BCAS3: variants seen among roughly 807,000 people sequenced by gnomAD.
BCAS3 encodes the protein BCAS4/BCAS3 fusion.
BCAS3 carries 53 observed loss-of-function variants against 116.1 expected under a neutral mutation model. That is an observed-to-expected ratio of 0.46 (90% CI 0.37 to 0.57). The LOEUF (loss-of-function observed/expected upper bound fraction) is 0.57. BCAS3 is among the 20% of genes least tolerant of loss of function. The pLI, the probability that BCAS3 is intolerant of heterozygous loss-of-function variation, is 0.00. For synonymous variants in BCAS3, 391 were observed against 408.2 expected, an observed-to-expected ratio of 0.96 and a Z score of 0.51; for missense variants, 917 against 1,165.4, an observed-to-expected ratio of 0.79 and a Z score of 3.10.
At position 61,379,513 on chromosome 17, in the gene BCAS3, G is replaced by A. The variant is rs921131665; in HGVS notation, c.2593+11019G>A. On this transcript the variant is annotated intron_variant, in intron 23 of 23. Transcript: ENST00000407086. This position sits in a 1 kb window ranked among gnomAD's most constrained non-coding sequence, Gnocchi z 5.5. Reference sequence around the variant, plus strand: ...AGCCCATCCGATTGAACTTAACGGAGAAGTGAAGTTCCCTAGTAGAAGAAG... The same window carrying A: ...AGCCCATCCGATTGAACTTAACGGAAAAGTGAAGTTCCCTAGTAGAAGAAG... The A allele has an allele frequency of 6.6e-6, 1 of 152,218 alleles. No individual in the cohort carries two copies. The highest frequency in any genetic ancestry group is 1.9e-4 in the East Asian group (1 of 5,184). 9.4% of individuals were successfully genotyped at this position (152,218 alleles called of 1,614,324 possible). A position where few individuals can be genotyped will look rare whatever the true frequency, so the allele number is the denominator to read the frequency against.
At chr17:60,946,064 G>A (rs2145242302) in intron 13 of BCAS3, among the ~76,000 whole-genome samples, 1 of 152,260 alleles carries the variant, frequency 6.6e-6, no homozygotes, top group Middle Eastern at 3.4e-3. Context: ...AGCTTGCAGT[G>A]GGCGTAGATC....
chr17:60,702,450 A>G (rs1215021634), intron 4 of BCAS3, among the ~76,000 whole-genome samples: 1 of 152,226 alleles, frequency 6.6e-6, no homozygotes, highest in Non-Finnish European at 1.5e-5. Context: ...AGATTCTCCC[A>G]AGAATCAGAG....
intron 10 of BCAS3, chr17:60,891,696 G>A (rs1209059910): frequency 8.8e-6 from 4 of 455,760 alleles, no homozygotes; most frequent in Admixed American, 4.7e-5. Flanking sequence ...GTGCATGTTT[G>A]TTACACAGGT....
chr17:60,710,393 A>G (rs143285806), intron 5 of BCAS3, among the ~76,000 whole-genome samples: 4 of 152,066 alleles, frequency 2.6e-5, no homozygotes, highest in African/African-American at 9.6e-5. Context: ...TCTAAGAATT[A>G]CTAAGGAACA....
Position 61,017,465 on chromosome 17 carries a change from C to A in BCAS3, c.1637+1564C>A, listed in dbSNP as rs923344842. Among the ~76,000 whole-genome samples the A allele has an allele frequency of 6.6e-6, 1 of 152,090 alleles. No homozygotes were observed. Among genetic ancestry groups the A allele is most frequent in the Non-Finnish European group, 1.5e-5 (1 of 68,004 alleles). On this transcript the variant is annotated intron_variant, in intron 16 of 23. Coordinates refer to ENST00000407086, the MANE Select transcript of BCAS3 (RefSeq NM_017679.5). This position sits in a 1 kb window ranked among gnomAD's most constrained non-coding sequence, Gnocchi z 4.7. ...AGTGAAACCATCCTCAAAATTGTTT[C>A]TCTGTAATTTAATTTTATATTCAGA...
At chr17:61,201,665 A>G (rs1195817014) in intron 22 of BCAS3, among the ~76,000 whole-genome samples, 1 of 152,124 alleles carries the variant, frequency 6.6e-6, no homozygotes, top group African/African-American at 2.4e-5. Flanking sequence ...TTCGTGAAGT[A>G]CGTTCCACGT....
intron 7 of BCAS3, among the ~76,000 whole-genome samples, chr17:60,817,492 G>A (rs986788650): frequency 2.0e-5 from 3 of 152,214 alleles, no homozygotes; most frequent in East Asian, 1.9e-4. Context: ...CACACATTAC[G>A]TGAAAATATG....
chr17:61,293,634 G>T (rs2052644048), intron 22 of BCAS3, among the ~76,000 whole-genome samples: 1 of 152,208 alleles, frequency 6.6e-6, no homozygotes, highest in South Asian at 2.1e-4. Flanking sequence ...CCCTCATGCT[G>T]TTGCCATATG....
intron 22 of BCAS3, among the ~76,000 whole-genome samples, chr17:61,336,820 T>G (rs2056758647): frequency 6.6e-6 from 1 of 152,138 alleles, no homozygotes; most frequent in Non-Finnish European, 1.5e-5. Context: ...CAGCAGAACT[T>G]TATCCTTTCT....
intron 5 of BCAS3, among the ~76,000 whole-genome samples, chr17:60,711,149 A>T (rs2037871329): frequency 7.1e-6 from 1 of 141,838 alleles, no homozygotes. Flanking sequence ...AAGATGTGGG[A>T]TTTTTTTTTT....
chr17:61,321,977 A>C (rs1397406456), intron 22 of BCAS3, among the ~76,000 whole-genome samples: 1 of 151,982 alleles, frequency 6.6e-6, no homozygotes, highest in Non-Finnish European at 1.5e-5. Flanking sequence ...CTTGTTGCCC[A>C]GGCTGGAGTG....
chr17:60,952,395 C>T (rs909216366), intron 14 of BCAS3, among the ~76,000 whole-genome samples: 5 of 152,020 alleles, frequency 3.3e-5, no homozygotes, highest in Admixed American at 6.6e-5. Flanking sequence ...TCTTGGCTCA[C>T]TGCAACCTCT....
chr17:61,340,257 A>G (rs2057041840), intron 22 of BCAS3, among the ~76,000 whole-genome samples: 3 of 86,790 alleles, frequency 3.5e-5, no homozygotes, highest in African/African-American at 4.7e-5. Context: ...TGATGGCAAG[A>G]GGGGGTGGGG....
chr17:60,877,397 C>T lies in BCAS3; in HGVS notation c.661+2659C>T, dbSNP rs2055715616. Among the ~76,000 whole-genome samples the T allele has an allele frequency of 1.3e-5, 2 of 152,140 alleles. 1 individual carries two copies. Among genetic ancestry groups the T allele is most frequent in the South Asian group, 4.1e-4 (2 of 4,832 alleles). Reference sequence around the variant, plus strand: ...ATTTCCCCTTTGAAAATGGGATCTTCTGTTCTGCAGACTTTTAGTAAGCAC... The same window carrying T: ...ATTTCCCCTTTGAAAATGGGATCTTTTGTTCTGCAGACTTTTAGTAAGCAC... On this transcript the variant is annotated intron_variant, in intron 9 of 23. Coordinates refer to ENST00000407086, the MANE Select transcript of BCAS3 (RefSeq NM_017679.5).
intron 5 of BCAS3, among the ~76,000 whole-genome samples, chr17:60,725,717 T>A (rs1019376715): frequency 2.0e-5 from 3 of 152,220 alleles, no homozygotes; most frequent in Non-Finnish European, 4.4e-5. Context: ...AATTGTTCAG[T>A]CCAAAACATC....
chr17:60,984,329 T>C (rs2062989923), intron 14 of BCAS3, among the ~76,000 whole-genome samples: 3 of 152,202 alleles, frequency 2.0e-5, no homozygotes, highest in Admixed American at 2.0e-4. Context: ...GAGCTTTTGT[T>C]TGTGGTGCGT....
At chr17:61,060,116 T>A (rs947050487) in intron 19 of BCAS3, among the ~76,000 whole-genome samples, 6 of 151,828 alleles carry the variant, frequency 4.0e-5, no homozygotes, top group East Asian at 3.9e-4. Flanking sequence ...CTAAATATAT[T>A]TTTTTTATTA....
intron 5 of BCAS3, among the ~76,000 whole-genome samples, chr17:60,733,199 G>A (rs867247748): frequency 6.6e-6 from 1 of 152,146 alleles, no homozygotes; most frequent in African/African-American, 2.4e-5. Flanking sequence ...ACGAAACTCA[G>A]ATTTAGTAAA....
intron 23 of BCAS3, chr17:61,382,980 T>A (rs575759500): frequency 5.2e-5 from 8 of 152,448 alleles, no homozygotes; most frequent in African/African-American, 1.9e-4. Flanking sequence ...CCTTCAGCTG[T>A]CCAGAGCCCT....
Sources: gnomAD v4.1 joint callset for allele counts (sites outside exome capture counted in the v4.1 genomes callset) on GRCh38, gnomAD v4.1.1 for gene constraint, Gnocchi (gnomAD v3.1) non-coding constraint, MANE v1.5 for transcripts, NCBI Gene and HGNC (gene_info 2026-07-23, HGNC 2026-07-21) for gene names.